TMPRSS7: variants seen among roughly 807,000 people sequenced by gnomAD.
TMPRSS7 encodes transmembrane serine protease 7.
A neutral mutation model predicts 95.6 loss-of-function variants in TMPRSS7; 81 were observed. The ratio of observed to expected loss-of-function variants is 0.85; its 90% CI spans 0.71 to 1.02. The LOEUF is 1.02. Ranked by LOEUF, TMPRSS7 falls within the 50% of genes least tolerant of loss-of-function variation. TMPRSS7 has a pLI of 0.00. For synonymous variants in TMPRSS7, 364 were observed against 337.8 expected (o/e 1.08, Z -0.85); for missense variants, 945 against 955.2 (o/e 0.99, Z 0.14).
At chr3:112,066,308 C>A (rs766233728) in intron 12 of TMPRSS7, 84 bp from the exon 13 acceptor site, 22 of 1,158,456 alleles carry the variant, frequency 1.9e-5, no homozygotes, top group Non-Finnish European at 2.8e-5. Context: ...ATGATTTGTA[C>A]CTTGAGACTG....
At chr3:112,034,972 C>T in intron 1 of TMPRSS7, 79 bp downstream of exon 1, 1 of 684,586 alleles carries the variant, frequency 1.5e-6, no homozygotes, top group Non-Finnish European at 2.6e-6. Flanking sequence ...GATTGTATGA[C>T]CTTATAAACA....
chr3:112,056,900 C>T, intron 9 of TMPRSS7, 125 bp from the exon 10 acceptor site: 1 of 587,738 alleles, frequency 1.7e-6, no homozygotes, highest in South Asian at 2.3e-5. Context: ...TTCAGGAGAA[C>T]TGGTTTACCC....
intron 9 of TMPRSS7, among the ~76,000 whole-genome samples, chr3:112,051,030 A>C (rs1472285262): frequency 6.6e-6 from 1 of 152,186 alleles, no homozygotes; most frequent in African/African-American, 2.4e-5. Context: ...ATGCAAAGGC[A>C]TTATTGAAGG....
rs2073246615 is a variant in TMPRSS7 at position 112,044,124 on chromosome 3, G to A, written c.430-131G>A. 9.5e-6 allele frequency: 6 copies of A among 629,424 alleles called. No homozygotes were observed. The South Asian group carries it at 1.2e-4, about 12-fold the overall frequency. 39.0% of individuals were successfully genotyped at this position (629,424 alleles called of 1,614,324 possible). ...TCAAGAAATAATGCCGGGGTGTGGA[G>A]TTAGGAGCCTTTATTTTGAGGCTTG... On this transcript the variant is annotated intron_variant, in intron 3 of 17. Transcript: ENST00000452346.
At chr3:112,038,176 A>ATTG in exon 2 of TMPRSS7, 1 of 702,980 alleles carries the variant, frequency 1.4e-6, no homozygotes, top group Non-Finnish European at 2.6e-6. Context: ...GACGACCACC[A>ATTG]CAAAGACCCA....
At position 112,075,480 on chromosome 3, in the gene TMPRSS7, T is replaced by C. The variant is rs574520652; in HGVS notation, c.1943T>C (p.Phe648Ser). ...TGGCTTCTTTCTGCAGCCCACTGTT[T>C]TCATGGAAACAGGTAGGGCCTCACG... The change falls in exon 15 of 18, where the codon TTT becomes TCT. Residue 648 changes from phenylalanine (F) to serine (S), a missense_variant. Physicochemically the swap from Phe to Ser is radical, Grantham distance 155. Coordinates refer to ENST00000452346, the Ensembl canonical transcript of TMPRSS7. 8.0e-6 allele frequency: 12 copies of C among 1,492,476 alleles called. No individual in the cohort carries two copies. In the East Asian group the frequency reaches 2.9e-4, roughly 36 times the overall value. The allele number at this position is 1,492,476 out of a possible 1,614,324, so 92.5% of individuals were successfully genotyped here.
rs185826919 is a variant in TMPRSS7 at position 112,047,765 on chromosome 3, G to A, written c.757G>A (p.Ala253Thr). The A allele has an allele frequency of 7.7e-3, 12,421 of 1,613,704 alleles. 69 individuals carry two copies. The highest frequency in any genetic ancestry group is 9.4e-3 in the Non-Finnish European group (11,086 of 1,179,654). ...CAAAGGCTGCTCTCAGTACTTCTAT[G>A]CAGAGCATCTGTCTCTCCACTACCC... The change falls in exon 7 of 18, where the codon GCA becomes ACA. Residue 253 changes from alanine (A) to threonine (T), a missense_variant. Physicochemically the swap from Ala to Thr is moderately conservative, Grantham distance 58. Transcript: ENST00000452346.
rs893234848 is a variant in TMPRSS7 at position 112,057,147 on chromosome 3, A to G, written c.1310+16A>G. Reference sequence around the variant, plus strand: ...ATGAGCACATGTAAGTGATTTTCATATGTTTTCATATGTGAGGCATCTGAT... The same window carrying G: ...ATGAGCACATGTAAGTGATTTTCATGTGTTTTCATATGTGAGGCATCTGAT... On this transcript the variant is annotated intron_variant, in intron 10 of 17. Coordinates refer to ENST00000452346, the Ensembl canonical transcript of TMPRSS7. 6.5e-7 allele frequency: 1 copy of G among 1,549,084 alleles called. No homozygotes were observed. Among genetic ancestry groups the G allele is most frequent in the Non-Finnish European group, 8.9e-7 (1 of 1,124,198 alleles).
At chr3:112,052,241 G>A (rs1391857359) in intron 9 of TMPRSS7, among the ~76,000 whole-genome samples, 1 of 152,074 alleles carries the variant, frequency 6.6e-6, no homozygotes, top group East Asian at 1.9e-4. Flanking sequence ...TGCTGACAAG[G>A]GGACATTTGC....
At chr3:112,063,395 A>T (rs1406723145) in intron 11 of TMPRSS7, 130 bp from the exon 12 acceptor site, 7 of 675,130 alleles carry the variant, frequency 1.0e-5, no homozygotes, top group Non-Finnish European at 1.3e-5. Flanking sequence ...TTTGATGAAG[A>T]CACTATGTAA....
chr3:112,045,857 A>C (rs1333699665), exon 5 of TMPRSS7: 1 of 1,551,614 alleles, frequency 6.4e-7, no homozygotes, highest in Admixed American at 2.0e-5. Flanking sequence ...ATCTTGAAGG[A>C]CTCCATCCAG....
At chr3:112,046,144 G>A (rs1478438159) in intron 5 of TMPRSS7, among the ~76,000 whole-genome samples, 1 of 152,226 alleles carries the variant, frequency 6.6e-6, no homozygotes, top group African/African-American at 2.4e-5. Flanking sequence ...AACAATAGAT[G>A]TGGGGACAAT....
Position 112,049,986 on chromosome 3 carries a change from C to T in TMPRSS7, c.1090+12C>T, listed in dbSNP as rs1576103516. ...CATTCCAGAACAAAGTAAGTCTTCC[C>T]CAATTATGGAGAAGTCACTTTTAGA... On this transcript the variant is annotated intron_variant, in intron 8 of 17. Coordinates refer to ENST00000452346, the Ensembl canonical transcript of TMPRSS7. 1 of 1,530,280 alleles carries T rather than the reference C, an allele frequency of 6.5e-7. No individual in the cohort carries two copies. Among genetic ancestry groups the T allele is most frequent in the African/African-American group, 1.4e-5 (1 of 72,516 alleles). 94.8% of individuals were successfully genotyped at this position (1,530,280 alleles called of 1,614,324 possible). A position where few individuals can be genotyped will look rare whatever the true frequency, so the allele number is the denominator to read the frequency against.
chr3:112,066,751 A>C (rs75710861), intron 13 of TMPRSS7, among the ~76,000 whole-genome samples: 6 of 151,948 alleles, frequency 3.9e-5, no homozygotes, highest in African/African-American at 7.2e-5. Context: ...GTGTGTGTTC[A>C]TGTGTGAATA....
intron 13 of TMPRSS7, among the ~76,000 whole-genome samples, chr3:112,073,204 G>A (rs962041431): frequency 6.6e-6 from 1 of 150,582 alleles, no homozygotes; most frequent in Non-Finnish European, 1.5e-5. Flanking sequence ...CAATTCCCCT[G>A]CCTCAGCCTC....
chr3:112,072,316 G>T (rs569170886), intron 13 of TMPRSS7, among the ~76,000 whole-genome samples: 7 of 152,306 alleles, frequency 4.6e-5, no homozygotes, highest in African/African-American at 1.4e-4. Context: ...AGCAAATATT[G>T]CTGCCTGATC....
chr3:112,062,638 A>C (rs1035608991), intron 11 of TMPRSS7, among the ~76,000 whole-genome samples: 5 of 152,226 alleles, frequency 3.3e-5, no homozygotes, highest in Admixed American at 2.6e-4. Flanking sequence ...TAGATTAAGA[A>C]TATTACATCC....
intron 10 of TMPRSS7, among the ~76,000 whole-genome samples, chr3:112,058,705 A>T (rs1481701741): frequency 6.6e-6 from 1 of 152,152 alleles, no homozygotes; most frequent in Non-Finnish European, 1.5e-5. Context: ...TAAGCCTGTG[A>T]CGGAGCTGTG....
chr3:112,078,417 T>G (rs2073738848), intron 16 of TMPRSS7, among the ~76,000 whole-genome samples: 1 of 152,170 alleles, frequency 6.6e-6, no homozygotes, highest in Non-Finnish European at 1.5e-5. Context: ...ATAGTAGATA[T>G]TAGTAATAAC....
Sources: allele counts gnomAD v4.1 joint callset (sites outside exome capture counted in the v4.1 genomes callset), GRCh38; gene constraint gnomAD v4.1.1; transcripts MANE v1.5; gene names NCBI Gene and HGNC (gene_info 2026-07-23, HGNC 2026-07-21).